NRXN3: variants seen among roughly 807,000 people sequenced by gnomAD.
The protein encoded by NRXN3 is neurexin 3, also known as neurexin III.
Under a neutral mutation model 137.6 loss-of-function variants are expected in NRXN3, and 32 were observed. The observed-to-expected ratio is 0.23, with a 90% CI of 0.18 to 0.31. NRXN3 has a LOEUF of 0.31. NRXN3 is among the 10% of genes least tolerant of loss of function. The probability of loss-of-function intolerance (pLI) is 1.00; values close to 1 mark genes in which losing one functional copy is unlikely to be tolerated. For missense variants in NRXN3, 1,574 were observed against 2,062.5 expected (o/e 0.76, Z 4.59); for synonymous variants, 798 against 784.5 (o/e 1.02, Z -0.29).
chr14:78,738,006 C>G (rs978369255), intron 8 of NRXN3, among the ~76,000 whole-genome samples: 2 of 152,108 alleles, frequency 1.3e-5, no homozygotes, highest in African/African-American at 4.8e-5. Context: ...GCCTCAGCAT[C>G]GGGCTAAAAA....
At chr14:79,200,648 A>C (rs2065846685) in intron 15 of NRXN3, among the ~76,000 whole-genome samples, 1 of 152,176 alleles carries the variant, frequency 6.6e-6, no homozygotes. Context: ...TTCATTAATA[A>C]AAATAGAAAA....
intron 1 of NRXN3, among the ~76,000 whole-genome samples, chr14:78,230,439 T>C (rs2153436168): frequency 6.6e-6 from 1 of 152,042 alleles, no homozygotes; most frequent in South Asian, 2.1e-4. Flanking sequence ...TCCTAGGTGA[T>C]GGAGAGGCTG....
chr14:78,948,888 G>C (rs1422237643), intron 10 of NRXN3, among the ~76,000 whole-genome samples: 1 of 152,078 alleles, frequency 6.6e-6, no homozygotes, highest in African/African-American at 2.4e-5. Flanking sequence ...ACAAACCAGA[G>C]AGGAAGGATT....
chr14:78,766,382 A>G (rs1001587554), intron 8 of NRXN3, among the ~76,000 whole-genome samples: 2 of 152,212 alleles, frequency 1.3e-5, no homozygotes, highest in African/African-American at 4.8e-5. Context: ...TATTTATAGA[A>G]GTCTACCTTG....
At chr14:79,025,539 A>C (rs2099596676) in intron 15 of NRXN3, among the ~76,000 whole-genome samples, 2 of 152,098 alleles carry the variant, frequency 1.3e-5, no homozygotes, top group Non-Finnish European at 2.9e-5. Context: ...TACATTCTAA[A>C]AGGTCCAGAT....
At chr14:78,482,765 GAAGTTTCTTAACTTTTTA>G (rs2153741872) in intron 4 of NRXN3, among the ~76,000 whole-genome samples, 1 of 152,288 alleles carries the variant, frequency 6.6e-6, no homozygotes, top group East Asian at 1.9e-4. Context: ...TAATTTGAAG[GAAGTTTCTTAACTTTTTA>G]AAGGCACAGG....
intron 4 of NRXN3, among the ~76,000 whole-genome samples, chr14:78,425,818 T>C (rs576619645): frequency 2.6e-5 from 4 of 152,296 alleles, no homozygotes; most frequent in African/African-American, 9.6e-5. Flanking sequence ...AGGGCTCCTG[T>C]CTGGCTAGTT....
chr14:79,004,116 A>G (rs2099547273), intron 15 of NRXN3, among the ~76,000 whole-genome samples: 1 of 152,212 alleles, frequency 6.6e-6, no homozygotes, highest in African/African-American at 2.4e-5. Context: ...GAATATGTAG[A>G]TAATAAAGAT....
chr14:78,933,688 A>AAAACACAC (rs1464694559), intron 10 of NRXN3, among the ~76,000 whole-genome samples: 1 of 152,234 alleles, frequency 6.6e-6, no homozygotes. Flanking sequence ...TTGACACTTC[A>AAAACACAC]AAACACACAA....
At chr14:79,380,045 A>G (rs953437586) in intron 15 of NRXN3, among the ~76,000 whole-genome samples, 1 of 151,840 alleles carries the variant, frequency 6.6e-6, no homozygotes, top group African/African-American at 2.4e-5. Flanking sequence ...TATTTGTTCA[A>G]CAGTGTTTTT....
chr14:79,082,682 G>C (rs2047297964), intron 15 of NRXN3, among the ~76,000 whole-genome samples: 1 of 152,044 alleles, frequency 6.6e-6, no homozygotes, highest in African/African-American at 2.4e-5. Flanking sequence ...TCTTCCAAAT[G>C]AGTTCTTTTT....
At chr14:78,462,303 T>C (rs1257458631) in intron 4 of NRXN3, among the ~76,000 whole-genome samples, 1 of 152,182 alleles carries the variant, frequency 6.6e-6, no homozygotes, top group East Asian at 1.9e-4. Flanking sequence ...ACCAGGCACA[T>C]ACAGAGGCCG....
At chr14:78,188,145 G>A (rs2060399909) in intron 1 of NRXN3, among the ~76,000 whole-genome samples, 2 of 152,104 alleles carry the variant, frequency 1.3e-5, no homozygotes, top group Non-Finnish European at 2.9e-5. Flanking sequence ...TGTTACATCC[G>A]GGACCAAAAA....
intron 6 of NRXN3, among the ~76,000 whole-genome samples, chr14:78,692,023 A>G (rs1287875182): frequency 1.3e-5 from 2 of 152,220 alleles, no homozygotes; most frequent in Admixed American, 6.5e-5. Flanking sequence ...CTGGGCCTAT[A>G]AATTTAATTA....
chr14:79,619,597 G>A (rs2098199846), intron 16 of NRXN3, among the ~76,000 whole-genome samples: 1 of 151,814 alleles, frequency 6.6e-6, no homozygotes, highest in African/African-American at 2.4e-5. Flanking sequence ...TCCTTATTTG[G>A]GGGCCATCTC....
intron 4 of NRXN3, among the ~76,000 whole-genome samples, chr14:78,378,312 T>G (rs1339876117): frequency 6.6e-6 from 1 of 152,012 alleles, no homozygotes; most frequent in Non-Finnish European, 1.5e-5. Context: ...TGGTGAAACC[T>G]CGTTTCCACT....
rs376766866 is a variant in NRXN3, at chr14:78,720,341, C to A, written c.2044+5202C>A. Among the ~76,000 whole-genome samples, 33 of 152,246 alleles carry A rather than the reference C, an allele frequency of 2.2e-4. No individual in the cohort carries two copies. The East Asian group carries it at 4.1e-3, about 19-fold the overall frequency. On this transcript the variant is annotated intron_variant, in intron 8 of 20. Transcript: ENST00000335750. Reference sequence around the variant, plus strand: ...TAATTAATAGCTACTTAATACATAGCTACTTAATTCTAATCAGATAGGTTG... The same window carrying A: ...TAATTAATAGCTACTTAATACATAGATACTTAATTCTAATCAGATAGGTTG...
intron 4 of NRXN3, chr14:78,403,740 G>A (rs749616360): frequency 3.3e-5 from 33 of 985,304 alleles, no homozygotes; most frequent in South Asian, 9.4e-5. Context: ...CAATTGCTCC[G>A]GGAGAGACAC....
At chr14:79,053,755 G>A (rs2099646545) in intron 15 of NRXN3, among the ~76,000 whole-genome samples, 1 of 151,740 alleles carries the variant, frequency 6.6e-6, no homozygotes, top group Non-Finnish European at 1.5e-5. Flanking sequence ...TGAGAGAGAG[G>A]CTCGGACAAC....
Sources: allele counts gnomAD v4.1 joint callset (sites outside exome capture counted in the v4.1 genomes callset), GRCh38; gene constraint gnomAD v4.1.1; transcripts MANE v1.5; gene names NCBI Gene and HGNC (gene_info 2026-07-23, HGNC 2026-07-21).